Variants in GOLPH3 observed in about 807,000 individuals in gnomAD.
GOLPH3 encodes the protein coat protein GPP34.
Under a neutral mutation model 28.5 loss-of-function variants are expected in GOLPH3, and 14 were observed. The observed-to-expected ratio is 0.49, with a 90% CI of 0.32 to 0.77. The LOEUF (loss-of-function observed/expected upper bound fraction) is 0.77, where lower values mean the gene tolerates loss of function less well. GOLPH3 is among the 30% of genes least tolerant of loss of function. The probability of loss-of-function intolerance (pLI) is 0.03; values close to 1 mark genes in which losing one functional copy is unlikely to be tolerated. For missense variants in GOLPH3, 350 were observed against 393.7 expected (o/e 0.89, Z 0.94); for synonymous variants, 158 against 159.2 (o/e 0.99, Z 0.06).
intron 3 of GOLPH3, among the ~76,000 whole-genome samples, chr5:32,130,922 C>T (rs1401125073): frequency 1.3e-5 from 2 of 152,196 alleles, no homozygotes; most frequent in Non-Finnish European, 2.9e-5. Context: ...GTGGAAATTT[C>T]CCAATTCCAA....
chr5:32,173,263 T>G (rs748638281), intron 1 of GOLPH3, among the ~76,000 whole-genome samples: 48 of 152,030 alleles, frequency 3.2e-4, no homozygotes, highest in Middle Eastern at 3.4e-3. Flanking sequence ...TTAACTTTAC[T>G]CAGTAAAAGA....
intron 2 of GOLPH3, among the ~76,000 whole-genome samples, chr5:32,143,460 T>C (rs1477775547): frequency 6.6e-6 from 1 of 151,404 alleles, no homozygotes; most frequent in Non-Finnish European, 1.5e-5. Flanking sequence ...AAAATAATAA[T>C]AATAAAATAA....
At chr5:32,160,178 G>T (rs1746542175) in intron 1 of GOLPH3, among the ~76,000 whole-genome samples, 1 of 152,132 alleles carries the variant, frequency 6.6e-6, no homozygotes, top group Non-Finnish European at 1.5e-5. Context: ...TAGCCTGGGT[G>T]ACAGAATGAG....
chr5:32,135,034 G>A (rs148405429), intron 3 of GOLPH3, among the ~76,000 whole-genome samples: 113 of 152,312 alleles, frequency 7.4e-4, no homozygotes, highest in African/African-American at 2.6e-3. Context: ...TGAAGTTAGG[G>A]GAGATTGTGT....
At chr5:32,137,129 T>G (rs1745951303) in intron 2 of GOLPH3, among the ~76,000 whole-genome samples, 1 of 151,556 alleles carries the variant, frequency 6.6e-6, no homozygotes, top group African/African-American at 2.4e-5. Context: ...CTGGCTAATT[T>G]TGTATTTTTA....
intron 1 of GOLPH3, among the ~76,000 whole-genome samples, chr5:32,172,887 A>G (rs1467081132): frequency 3.9e-5 from 6 of 152,248 alleles, no homozygotes; most frequent in Non-Finnish European, 5.9e-5. Context: ...TCATTTTTGT[A>G]GGCAAATATA....
chr5:32,133,917 T>C (rs1745879300), intron 3 of GOLPH3, among the ~76,000 whole-genome samples: 1 of 152,180 alleles, frequency 6.6e-6, no homozygotes, highest in Admixed American at 6.5e-5. Context: ...AGGAAAATTA[T>C]CAGAGGTAGA....
At chr5:32,151,123 T>A (rs1166763823) in intron 1 of GOLPH3, among the ~76,000 whole-genome samples, 3 of 152,066 alleles carry the variant, frequency 2.0e-5, no homozygotes, top group Non-Finnish European at 2.9e-5. Flanking sequence ...GACTACCCAT[T>A]TTTTTGGTAA....
chr5:32,173,579 GA>G (rs1472154357), intron 1 of GOLPH3, among the ~76,000 whole-genome samples: 1 of 152,170 alleles, frequency 6.6e-6, no homozygotes, highest in Admixed American at 6.5e-5. Context: ...AAGGGGTAAG[GA>G]AAAATCCAAG....
intron 1 of GOLPH3, among the ~76,000 whole-genome samples, chr5:32,165,850 C>A (rs1264131147): frequency 6.6e-6 from 1 of 152,140 alleles, no homozygotes; most frequent in Non-Finnish European, 1.5e-5. Flanking sequence ...AAGATGAGAA[C>A]CTCTAGACAG....
At chr5:32,159,911 G>A (rs188800180) in intron 1 of GOLPH3, among the ~76,000 whole-genome samples, 1 of 152,190 alleles carries the variant, frequency 6.6e-6, no homozygotes, top group Non-Finnish European at 1.5e-5. Flanking sequence ...TCATACTGTG[G>A]GTAAGTATTT....
At chr5:32,128,797 C>T (rs895806067) in intron 3 of GOLPH3, among the ~76,000 whole-genome samples, 8 of 148,594 alleles carry the variant, frequency 5.4e-5, no homozygotes, top group African/African-American at 1.0e-4. Context: ...TGTCCAGCAT[C>T]GAAGTTAAAA....
chr5:32,131,071 G>C (rs1383444087), intron 3 of GOLPH3, among the ~76,000 whole-genome samples: 2 of 152,176 alleles, frequency 1.3e-5, no homozygotes, highest in Non-Finnish European at 2.9e-5. Context: ...GCAATAAAAA[G>C]GGACCCAGCT....
rs1746578430 is a variant in GOLPH3, at chr5:32,161,560, T to C, written c.225+12250A>G. ...AAGGCGTAATGAAACTTAATATTTA[T>C]TGTGCACCAACTATCAGGCACTTTA... On this transcript the variant is annotated intron_variant, in intron 1 of 3. Coordinates refer to ENST00000265070, the MANE Select transcript of GOLPH3 (RefSeq NM_022130.4). 1.3e-5 allele frequency among the ~76,000 whole-genome samples: 2 copies of C among 151,370 alleles called. 1 individual carries two copies. Among genetic ancestry groups the C allele is most frequent in the African/African-American group, 4.9e-5 (2 of 40,670 alleles).
intron 1 of GOLPH3, among the ~76,000 whole-genome samples, chr5:32,166,205 G>T (rs1181083806): frequency 9.2e-5 from 14 of 152,124 alleles, no homozygotes; most frequent in Admixed American, 9.2e-4. Context: ...AAATTTTTTT[G>T]TTGTTGTTTA....
intron 1 of GOLPH3, among the ~76,000 whole-genome samples, chr5:32,159,856 G>C (rs1327953251): frequency 6.6e-6 from 1 of 152,110 alleles, no homozygotes; most frequent in Middle Eastern, 3.2e-3. Context: ...GTGATACCTC[G>C]AGCCCCAGAG....
chr5:32,173,706 T>G, intron 1 of GOLPH3, 104 bp downstream of exon 1: 1 of 785,936 alleles, frequency 1.3e-6, no homozygotes, highest in South Asian at 4.8e-5. Context: ...CGAGGGCAGG[T>G]GCGCGGGCCG....
At position 32,173,982 on chromosome 5, in the gene GOLPH3, G is replaced by C; in HGVS notation, c.53C>G (p.Ala18Gly). The part of the protein sequence containing the change: ...SSGLVQRRTE[A>G]SRNAADKERA... ...CTCCTTGTCGGCGGCGTTGCGGGAG[G>C]CCTCGGTGCGCCGCTGCACCAGGCC... is the stretch of plus-strand genomic sequence containing the variant. Residue 18 changes from alanine (A) to glycine (G), a missense_variant, in exon 1 of 4, where the codon GCC (alanine) becomes GGC (glycine). By Grantham distance (60) the Ala-to-Gly change is moderately conservative. Transcript: ENST00000265070. 1 of 1,370,926 alleles carries C rather than the reference G, an allele frequency of 7.3e-7. No homozygotes were observed. Among genetic ancestry groups the C allele is most frequent in the Non-Finnish European group, 9.3e-7 (1 of 1,070,852 alleles). 84.9% of individuals were successfully genotyped at this position (1,370,926 alleles called of 1,614,324 possible). A position where few individuals can be genotyped will look rare whatever the true frequency, so the allele number is the denominator to read the frequency against.
At chr5:32,169,774 G>A (rs1746792021) in intron 1 of GOLPH3, among the ~76,000 whole-genome samples, 1 of 152,172 alleles carries the variant, frequency 6.6e-6, no homozygotes, top group South Asian at 2.1e-4. Context: ...TTACTTGGCA[G>A]TTGAATTTAG....
Sources: gnomAD v4.1 joint callset for allele counts (sites outside exome capture counted in the v4.1 genomes callset) on GRCh38, gnomAD v4.1.1 for gene constraint, MANE v1.5 for transcripts, NCBI Gene and HGNC (gene_info 2026-07-23, HGNC 2026-07-21) for gene names.